CCSER1: variants seen among roughly 807,000 people sequenced by gnomAD.
The protein encoded by CCSER1 is coiled-coil serine rich protein 1.
CCSER1 carries 41 observed loss-of-function variants against 82.0 expected under a neutral mutation model. The observed-to-expected ratio is 0.50, with a 90% CI of 0.39 to 0.65. The LOEUF is 0.65. Ranked by LOEUF, CCSER1 falls within the 30% of genes least tolerant of loss-of-function variation. CCSER1 has a pLI of 0.00. For synonymous variants in CCSER1, 414 were observed against 383.9 expected (o/e 1.08, Z -0.92); for missense variants, 1,119 against 1,064.2 (o/e 1.05, Z -0.72).
intron 5 of CCSER1, among the ~76,000 whole-genome samples, chr4:90,529,450 G>T (rs1178231137): frequency 6.6e-6 from 1 of 152,052 alleles, no homozygotes; most frequent in Non-Finnish European, 1.5e-5. Context: ...AGCTGGTCTT[G>T]AACTCCTGGC....
intron 10 of CCSER1, among the ~76,000 whole-genome samples, chr4:91,149,813 G>A (rs915099801): frequency 6.6e-6 from 1 of 151,980 alleles, no homozygotes; most frequent in Admixed American, 6.6e-5. Flanking sequence ...ATTTCTGAGG[G>A]CTCTGTTCTG....
chr4:91,076,305 C>G (rs1721988390), intron 9 of CCSER1, among the ~76,000 whole-genome samples: 1 of 148,622 alleles, frequency 6.7e-6, no homozygotes, highest in South Asian at 2.1e-4. Flanking sequence ...GCAAGCTTGC[C>G]TTTCATTCCA....
chr4:91,116,505 G>A (rs776592227), intron 10 of CCSER1, among the ~76,000 whole-genome samples: 11 of 152,196 alleles, frequency 7.2e-5, no homozygotes, highest in Non-Finnish European at 1.3e-4. Flanking sequence ...ACAGTAATGA[G>A]CCTCAGTTTT....
intron 1 of CCSER1, among the ~76,000 whole-genome samples, chr4:90,283,111 A>T (rs1203705914): frequency 5.9e-5 from 9 of 151,974 alleles, no homozygotes; most frequent in Non-Finnish European, 1.2e-4. Flanking sequence ...GGGGACCGTT[A>T]TCTAGTGATA....
chr4:90,606,954 C>T (rs1784806121), intron 5 of CCSER1, among the ~76,000 whole-genome samples: 2 of 152,040 alleles, frequency 1.3e-5, no homozygotes, highest in South Asian at 2.1e-4. Flanking sequence ...TACATTTTGG[C>T]CTGAAGGTAT....
chr4:90,308,675 T>C lies in CCSER1; in HGVS notation c.391T>C (p.Leu131=), dbSNP rs76123304. The change falls in exon 2 of 11, where the codon TTG becomes CTG. Residue 131 remains leucine (L), a synonymous_variant. Transcript: ENST00000509176. The stretch of plus-strand genomic sequence containing the variant: ...ACGAAATAAGAAGATAACAAGATCT[T>C]TGACAGAGGATTTTGAAAGGGAAAA... ...SSRNKKITRS[L]TEDFEREKEH... The C allele has an allele frequency of 5.6e-4, 896 of 1,613,616 alleles. 9 individuals carry two copies. The East Asian group carries it at 0.018, about 33-fold the overall frequency.
intron 1 of CCSER1, among the ~76,000 whole-genome samples, chr4:90,229,028 C>T (rs1743863632): frequency 6.6e-6 from 1 of 152,116 alleles, no homozygotes; most frequent in Non-Finnish European, 1.5e-5. Context: ...GAGAATGGAA[C>T]CAAGTTGGAA....
intron 1 of CCSER1, among the ~76,000 whole-genome samples, chr4:90,128,943 G>C (rs192016677): frequency 4.1e-4 from 62 of 151,998 alleles, no homozygotes; most frequent in African/African-American, 1.4e-3. Flanking sequence ...TATTTTTACA[G>C]GTAGAAAAAA....
intron 7 of CCSER1, among the ~76,000 whole-genome samples, chr4:90,806,931 T>A (rs1757590969): frequency 6.6e-6 from 1 of 151,962 alleles, no homozygotes. Context: ...TATCCTTAAC[T>A]CCATTTGATT....
chr4:91,139,408 T>C (rs997558910), intron 10 of CCSER1, among the ~76,000 whole-genome samples: 2 of 152,164 alleles, frequency 1.3e-5, no homozygotes, highest in Non-Finnish European at 2.9e-5. Context: ...TGAGGACTCA[T>C]TTTTCTCAAT....
intron 5 of CCSER1, among the ~76,000 whole-genome samples, chr4:90,471,544 G>T (rs1195271045): frequency 1.3e-5 from 2 of 151,926 alleles, no homozygotes; most frequent in Non-Finnish European, 1.5e-5. Context: ...TAATAGAGAT[G>T]CAAGAACATA....
intron 10 of CCSER1, among the ~76,000 whole-genome samples, chr4:91,411,514 A>ATATATATATATATATATATATATG (rs1753042514): frequency 7.6e-6 from 1 of 131,118 alleles, no homozygotes; most frequent in Non-Finnish European, 1.6e-5. Context: ...ATATATATAT[A>ATATATATATATATATATATATATG]TATATATATA....
At chr4:91,175,976 A>T (rs142381665) in intron 10 of CCSER1, among the ~76,000 whole-genome samples, 24,126 of 152,226 alleles carry the variant, frequency 0.16, 2,579 homozygotes, top group Non-Finnish European at 0.23. Flanking sequence ...TTTAATCTTT[A>T]ATCCATCTTG....
At chr4:90,673,099 G>A (rs374692816) in intron 6 of CCSER1, among the ~76,000 whole-genome samples, 2 of 151,846 alleles carry the variant, frequency 1.3e-5, no homozygotes, top group Admixed American at 6.6e-5. Context: ...TGGAAAAATG[G>A]CCCCAATAGA....
intron 10 of CCSER1, among the ~76,000 whole-genome samples, chr4:91,395,775 T>C (rs1264461836): frequency 6.6e-6 from 1 of 152,068 alleles, no homozygotes; most frequent in Non-Finnish European, 1.5e-5. Flanking sequence ...AAAAATTCCC[T>C]GCTTGCCTGA....
At chr4:90,890,717 C>G (rs1045592687) in intron 8 of CCSER1, among the ~76,000 whole-genome samples, 3 of 152,164 alleles carry the variant, frequency 2.0e-5, no homozygotes, top group African/African-American at 7.2e-5. Context: ...GACTTCCTCA[C>G]TCTACTGCTG....
intron 6 of CCSER1, among the ~76,000 whole-genome samples, chr4:90,674,337 T>C (rs1733386691): frequency 6.6e-6 from 1 of 152,002 alleles, no homozygotes; most frequent in African/African-American, 2.4e-5. Flanking sequence ...CACAGCAGAT[T>C]GTACCTTATC....
At chr4:90,275,508 G>T (rs1420043643) in intron 1 of CCSER1, among the ~76,000 whole-genome samples, 1 of 152,070 alleles carries the variant, frequency 6.6e-6, no homozygotes, top group Non-Finnish European at 1.5e-5. Context: ...TAAAACTTTT[G>T]GTGATAACAT....
At chr4:90,934,817 G>C (rs1730721869) in intron 9 of CCSER1, among the ~76,000 whole-genome samples, 1 of 152,090 alleles carries the variant, frequency 6.6e-6, no homozygotes, top group Admixed American at 6.6e-5. Context: ...TGTAATCCCA[G>C]CAACTCAGGA....
Sources: gnomAD v4.1 joint callset for allele counts (sites outside exome capture counted in the v4.1 genomes callset) on GRCh38, gnomAD v4.1.1 for gene constraint, MANE v1.5 for transcripts, NCBI Gene and HGNC (gene_info 2026-07-23, HGNC 2026-07-21) for gene names.